MS4A4E: variants seen among roughly 807,000 people sequenced by gnomAD.
MS4A4E encodes putative membrane-spanning 4-domains subfamily A member 4E.
A neutral mutation model predicts 13.3 loss-of-function variants in MS4A4E; 23 were observed. The ratio of observed to expected loss-of-function variants is 1.73; its 90% CI spans 1.25 to 2.45. MS4A4E has a LOEUF of 2.45. Among genes scored for constraint, MS4A4E ranks in the 30% most tolerant of loss-of-function variants. The pLI is 0.00. For synonymous variants in MS4A4E, 36 were observed against 45.6 expected, an observed-to-expected ratio of 0.79 and a Z score of 0.85; for missense variants, 144 against 131.2, an observed-to-expected ratio of 1.10 and a Z score of -0.48.
At chr11:60,204,021 G>A (rs776390015) in intron 8 of MS4A4E, among the ~76,000 whole-genome samples, 1 of 152,182 alleles carries the variant, frequency 6.6e-6, no homozygotes, top group African/African-American at 2.4e-5. Context: ...ATCTTAGGTT[G>A]CTTATGTAAG....
At chr11:60,241,651 T>C (rs566894677) in intron 1 of MS4A4E, among the ~76,000 whole-genome samples, 6 of 152,350 alleles carry the variant, frequency 3.9e-5, no homozygotes, top group African/African-American at 1.2e-4. Context: ...AATCCATGTG[T>C]TAATTATCTA....
chr11:60,221,531 G>A (rs1590717103), intron 3 of MS4A4E, among the ~76,000 whole-genome samples: 2 of 152,228 alleles, frequency 1.3e-5, no homozygotes, highest in East Asian at 3.9e-4. Context: ...AAAGTGGTCA[G>A]CTGCAGCACT....
intron 1 of MS4A4E, among the ~76,000 whole-genome samples, chr11:60,240,784 A>C (rs536214193): frequency 2.6e-5 from 4 of 152,148 alleles, no homozygotes; most frequent in African/African-American, 9.6e-5. Context: ...CACAGCATCT[A>C]ATCTTCTCAC....
At chr11:60,228,097 T>C (rs922631916) in intron 3 of MS4A4E, among the ~76,000 whole-genome samples, 1 of 152,186 alleles carries the variant, frequency 6.6e-6, no homozygotes, top group Non-Finnish European at 1.5e-5. Flanking sequence ...ATTAATCATC[T>C]TAATTTTATT....
intron 5 of MS4A4E, among the ~76,000 whole-genome samples, chr11:60,211,204 A>G (rs1448636426): frequency 1.3e-5 from 2 of 152,258 alleles, no homozygotes; most frequent in African/African-American, 2.4e-5. Flanking sequence ...AAGTTCTACA[A>G]TTGAATCTTG....
rs376116585 is a variant in MS4A4E at position 60,216,300 on chromosome 11, C to T, written c.179-1686G>A. Among the ~76,000 whole-genome samples the T allele has an allele frequency of 4.6e-5, 7 of 152,134 alleles. No individual in the cohort carries two copies. The East Asian group carries it at 5.8e-4, about 13-fold the overall frequency. On this transcript the variant is annotated intron_variant, in intron 3 of 8. Transcript: ENST00000651255. ...GTGTGGAAGGCTAAAACCATGTAAG[C>T]TGGTTTTCAATGAGATCTTGAAAAG...
At position 60,213,113 on chromosome 11, in the gene MS4A4E, T is replaced by C; in HGVS notation, c.242A>G (p.Lys81Arg). 1.6e-6 allele frequency: 1 copy of C among 615,952 alleles called. No homozygotes were observed. The highest frequency in any genetic ancestry group is 2.8e-6 in the Non-Finnish European group (1 of 361,728). 38.2% of individuals were successfully genotyped at this position (615,952 alleles called of 1,614,324 possible). The stretch of plus-strand genomic sequence containing the variant: ...AGCCAAGACTGAACTGGTGATATTC[T>C]TTCCTAGACTACCTCCAACCTAGAA... Reference protein sequence around the residue: ...TKGLVGGSLGKNITSSVLAIS... With the variant: ...TKGLVGGSLGRNITSSVLAIS... Residue 81 changes from lysine (K) to arginine (R), a missense_variant, in exon 5 of 9, where the codon AAG becomes AGG. By Grantham distance (26) the Lys-to-Arg change is conservative (BLOSUM62 2). Around this residue, in one of 3 missense-constraint regions of MS4A4E, gnomAD observed 119 missense variants for 88.7 expected, o/e 1.34. Coordinates refer to ENST00000651255, the MANE Select transcript of MS4A4E (RefSeq NM_001393391.1).
intron 1 of MS4A4E, 52 bp from the exon 2 acceptor site, chr11:60,230,123 G>T (rs904717817): frequency 6.6e-7 from 1 of 1,512,548 alleles, no homozygotes; most frequent in Non-Finnish European, 8.8e-7. Context: ...ACAAAAGAAA[G>T]TCTTGACACT....
At chr11:60,214,658 A>G (rs1319047670) in intron 3 of MS4A4E, 44 bp from the exon 4 acceptor site, 1 of 1,354,864 alleles carries the variant, frequency 7.4e-7, no homozygotes, top group Non-Finnish European at 1.0e-6. Flanking sequence ...TGGAGATAAA[A>G]AGTTTTAAAC....
At chr11:60,230,244 G>C (rs901049095) in intron 1 of MS4A4E, among the ~76,000 whole-genome samples, 173 bp from the exon 2 acceptor site, 4 of 148,452 alleles carry the variant, frequency 2.7e-5, no homozygotes, top group African/African-American at 7.3e-5. Flanking sequence ...GTGGGGGGTG[G>C]AGAGAGAGAG....
chr11:60,214,654 T>G (rs1445130101), intron 3 of MS4A4E, 40 bp from the exon 4 acceptor site: 1 of 1,350,260 alleles, frequency 7.4e-7, no homozygotes, highest in Non-Finnish European at 1.0e-6. Context: ...AAAATGGAGA[T>G]AAAAAGTTTT....
At chr11:60,234,956 G>T (rs565542836) in intron 1 of MS4A4E, among the ~76,000 whole-genome samples, 1 of 151,834 alleles carries the variant, frequency 6.6e-6, no homozygotes, top group East Asian at 1.9e-4. Flanking sequence ...TGAAAGTGAA[G>T]GGATGAAATA....
intron 1 of MS4A4E, among the ~76,000 whole-genome samples, chr11:60,242,524 T>C (rs2084564024): frequency 6.6e-6 from 1 of 152,192 alleles, no homozygotes. Flanking sequence ...ATTCTGCACG[T>C]GCTAGATCTT....
At chr11:60,239,504 G>T (rs2084523021) in intron 1 of MS4A4E, among the ~76,000 whole-genome samples, 1 of 152,194 alleles carries the variant, frequency 6.6e-6, no homozygotes. Flanking sequence ...AAAGCAGAAA[G>T]GAGGGGTCTA....
At chr11:60,218,338 A>T (rs1020290528) in intron 3 of MS4A4E, among the ~76,000 whole-genome samples, 1 of 152,058 alleles carries the variant, frequency 6.6e-6, no homozygotes, top group Non-Finnish European at 1.5e-5. Flanking sequence ...CCCTGCCTCC[A>T]CTTGCCTTGT....
In MS4A4E at chr11:60,243,120, G is replaced by T; in HGVS notation, c.-179C>A. 2 of 514,870 alleles carry T rather than the reference G, an allele frequency of 3.9e-6. No individual in the cohort carries two copies. Among genetic ancestry groups the T allele is most frequent in the African/African-American group, 2.0e-5 (1 of 50,990 alleles). 31.9% of individuals were successfully genotyped at this position (514,870 alleles called of 1,614,324 possible). A position where few individuals can be genotyped will look rare whatever the true frequency, so the allele number is the denominator to read the frequency against. ...CTAGTAGATGTTTGGAACCTTAAAG[G>T]ATGTGTTGAGAACTTCTGAGACACA... On this transcript the variant is annotated 5_prime_UTR_variant, in exon 1 of 9. Transcript: ENST00000651255.
intron 1 of MS4A4E, among the ~76,000 whole-genome samples, chr11:60,233,877 A>G (rs1289324699): frequency 6.6e-6 from 1 of 152,152 alleles, no homozygotes; most frequent in African/African-American, 2.4e-5. Context: ...TGCAACTCCA[A>G]CCTAACAGAG....
At chr11:60,224,518 C>A (rs766297002) in intron 3 of MS4A4E, among the ~76,000 whole-genome samples, 2 of 152,190 alleles carry the variant, frequency 1.3e-5, no homozygotes, top group African/African-American at 2.4e-5. Context: ...AAGTCCATTA[C>A]CCTTACTGAT....
intron 3 of MS4A4E, among the ~76,000 whole-genome samples, chr11:60,222,129 G>A (rs2084277235): frequency 6.6e-6 from 1 of 152,182 alleles, no homozygotes; most frequent in African/African-American, 2.4e-5. Flanking sequence ...GCTACTTGGT[G>A]GCAAGTTGAT....
Sources: allele counts gnomAD v4.1 joint callset (sites outside exome capture counted in the v4.1 genomes callset), GRCh38; gene constraint gnomAD v4.1.1; regional missense constraint gnomAD v4.1.1; transcripts MANE v1.5; gene names NCBI Gene and HGNC (gene_info 2026-07-23, HGNC 2026-07-21).